The following LUZP2 variants were observed in gnomAD, a reference collection of about 807,000 sequenced individuals.
LUZP2 encodes leucine zipper protein 2.
In LUZP2, 52 loss-of-function variants were observed where a neutral mutation model predicts 51.6. The ratio of observed to expected loss-of-function variants is 1.01; its 90% CI spans 0.81 to 1.27. The LOEUF (loss-of-function observed/expected upper bound fraction) is 1.27, where lower values mean the gene tolerates loss of function less well. Ranked by LOEUF, LUZP2 falls within the 50% of genes most tolerant of loss-of-function variation. The pLI is 0.00. For synonymous variants in LUZP2, 154 were observed against 137.3 expected, an observed-to-expected ratio of 1.12 and a Z score of -0.85; for missense variants, 436 against 395.4, an observed-to-expected ratio of 1.10 and a Z score of -0.87.
chr11:24,617,508 T>G (rs1262594316), intron 1 of LUZP2, among the ~76,000 whole-genome samples: 2 of 152,198 alleles, frequency 1.3e-5, no homozygotes, highest in East Asian at 1.9e-4. Flanking sequence ...CTTAGTACGA[T>G]AGTGATTTGG....
chr11:24,845,849 CG>C (rs1277535283), intron 5 of LUZP2, among the ~76,000 whole-genome samples: 3 of 151,912 alleles, frequency 2.0e-5, no homozygotes, highest in South Asian at 2.1e-4. Flanking sequence ...CATAAGTCTA[CG>C]AAGCCTCTTT....
chr11:24,640,584 A>G (rs925803024), intron 1 of LUZP2, among the ~76,000 whole-genome samples: 2 of 151,960 alleles, frequency 1.3e-5, no homozygotes, highest in African/African-American at 2.4e-5. Flanking sequence ...ATTTATTTAG[A>G]TAAATGTTTG....
At chr11:24,840,800 A>T (rs1851005619) in intron 5 of LUZP2, among the ~76,000 whole-genome samples, 1 of 151,976 alleles carries the variant, frequency 6.6e-6, no homozygotes. Flanking sequence ...GTCAAGCCTC[A>T]TTTGATGTTC....
At chr11:24,965,639 C>T (rs1239907403) in intron 7 of LUZP2, among the ~76,000 whole-genome samples, 2 of 151,580 alleles carry the variant, frequency 1.3e-5, no homozygotes, top group Non-Finnish European at 3.0e-5. Context: ...GATTAATAAA[C>T]TAGTATGATA....
rs867411487 is a variant in LUZP2 at position 24,600,203 on chromosome 11, A to G, written c.62+102898A>G. Reference sequence around the variant, plus strand: ...CACACACACACACACACACACACACACACACACACACACACGCACAATGGG... The same window carrying G: ...CACACACACACACACACACACACACGCACACACACACACACGCACAATGGG... On this transcript the variant is annotated intron_variant, in intron 1 of 11. Transcript: ENST00000336930. Among the ~76,000 whole-genome samples the G allele has an allele frequency of 1.7e-3, 208 of 122,504 alleles. 3 individuals carry two copies. The highest frequency in any genetic ancestry group is 5.8e-3 in the African/African-American group (192 of 33,384). The allele number at this position is 122,504 out of a possible 152,430, so 80.4% of individuals were successfully genotyped here. A position where few individuals can be genotyped will look rare whatever the true frequency, so the allele number is the denominator to read the frequency against.
chr11:24,702,130 A>G (rs1045750790), intron 1 of LUZP2, among the ~76,000 whole-genome samples: 2 of 152,194 alleles, frequency 1.3e-5, no homozygotes, highest in Admixed American at 6.5e-5. Flanking sequence ...ACACTATTCA[A>G]TTGTGAATTG....
chr11:24,914,442 A>G lies in LUZP2; in HGVS notation c.460-34A>G, dbSNP rs150138852. 3.7e-3 allele frequency: 5,471 copies of G among 1,472,264 alleles called. 20 individuals carry two copies. Among genetic ancestry groups the G allele is most frequent in the Non-Finnish European group, 4.3e-3 (4,598 of 1,062,666 alleles). The allele number at this position is 1,472,264 out of a possible 1,614,324, so 91.2% of individuals were successfully genotyped here. A position where few individuals can be genotyped will look rare whatever the true frequency, so the allele number is the denominator to read the frequency against. ...ATCTTCAAGTTTGAAAATATAAATG[A>G]GTTACACAACTTATCCATGTTTTTG... On this transcript the variant is annotated intron_variant, in intron 6 of 11. Transcript: ENST00000336930.
At chr11:24,515,961 G>A (rs929030299) in intron 1 of LUZP2, among the ~76,000 whole-genome samples, 7 of 152,054 alleles carry the variant, frequency 4.6e-5, no homozygotes, top group African/African-American at 1.4e-4. Context: ...TGATAAATCA[G>A]CTTTCCAAAG....
At chr11:24,696,820 A>C (rs561050794) in intron 1 of LUZP2, among the ~76,000 whole-genome samples, 14 of 152,180 alleles carry the variant, frequency 9.2e-5, no homozygotes, top group African/African-American at 2.4e-4. Context: ...AGAAAAAAAA[A>C]CATGAGATTG....
chr11:25,018,271 C>G (rs1391862037), intron 9 of LUZP2, among the ~76,000 whole-genome samples: 2 of 152,074 alleles, frequency 1.3e-5, no homozygotes, highest in South Asian at 2.1e-4. Flanking sequence ...TTGACTTCCT[C>G]TTTTCCAATT....
chr11:24,890,985 C>T (rs1364568434), intron 5 of LUZP2: 3 of 967,770 alleles, frequency 3.1e-6, no homozygotes, highest in Non-Finnish European at 1.2e-6. Flanking sequence ...GCAAGCATCT[C>T]TTCAGTTACA....
At chr11:24,582,408 C>G (rs1421313468) in intron 1 of LUZP2, among the ~76,000 whole-genome samples, 1 of 140,946 alleles carries the variant, frequency 7.1e-6, no homozygotes, top group African/African-American at 2.7e-5. Context: ...GAAATAAAAA[C>G]CTATTAAAGC....
chr11:24,657,937 A>G lies in LUZP2; in HGVS notation c.63-71232A>G, dbSNP rs184973003. ...ATGAAATAAAAGAGGACACAAACAAATGGAAGACCATTCCATGCTCATGGG... is the reference window on the plus strand; with the variant it reads ...ATGAAATAAAAGAGGACACAAACAAGTGGAAGACCATTCCATGCTCATGGG... On this transcript the variant is annotated intron_variant, in intron 1 of 11. Coordinates refer to ENST00000336930, the MANE Select transcript of LUZP2 (RefSeq NM_001009909.4). Among the ~76,000 whole-genome samples the G allele has an allele frequency of 9.8e-3, 1,496 of 152,300 alleles. 25 individuals carry two copies. Among genetic ancestry groups the G allele is most frequent in the African/African-American group, 0.035 (1,438 of 41,558 alleles).
chr11:25,041,678 AC>A (rs1166607374), intron 9 of LUZP2, among the ~76,000 whole-genome samples: 5 of 152,086 alleles, frequency 3.3e-5, no homozygotes, highest in Admixed American at 6.6e-5. Flanking sequence ...CACTTTGAAG[AC>A]CCTTGTGGGT....
intron 1 of LUZP2, among the ~76,000 whole-genome samples, chr11:24,663,878 T>G (rs989135400): frequency 3.3e-5 from 5 of 152,182 alleles, no homozygotes; most frequent in Admixed American, 3.3e-4. Context: ...GAAGGACATG[T>G]TTGTTTTCTT....
chr11:24,978,772 G>C (rs542501880), intron 8 of LUZP2, among the ~76,000 whole-genome samples: 2 of 151,818 alleles, frequency 1.3e-5, no homozygotes, highest in South Asian at 4.1e-4. Context: ...GTGGGTCATA[G>C]GGCACGGTAT....
chr11:24,552,498 T>G (rs1851750561), intron 1 of LUZP2, among the ~76,000 whole-genome samples: 1 of 151,956 alleles, frequency 6.6e-6, no homozygotes, highest in African/African-American at 2.4e-5. Flanking sequence ...TATCTAGACT[T>G]TCAGTACTTT....
At chr11:24,921,093 C>G (rs778536059) in intron 7 of LUZP2, among the ~76,000 whole-genome samples, 6 of 151,992 alleles carry the variant, frequency 3.9e-5, no homozygotes, top group Non-Finnish European at 7.4e-5. Flanking sequence ...GGTTCTTGGT[C>G]TCCCACTGAT....
intron 9 of LUZP2, among the ~76,000 whole-genome samples, chr11:25,040,343 A>ATTTTTGTTTTTTTTTTTTT (rs1858012155): frequency 2.0e-5 from 2 of 98,828 alleles, no homozygotes; most frequent in Non-Finnish European, 3.6e-5. Flanking sequence ...TTTCTTTCCG[A>ATTTTTGTTTTTTTTTTTTT]TTTTTTTTTT....
Sources: allele counts gnomAD v4.1 joint callset (sites outside exome capture counted in the v4.1 genomes callset), GRCh38; gene constraint gnomAD v4.1.1; transcripts MANE v1.5; gene names NCBI Gene and HGNC (gene_info 2026-07-23, HGNC 2026-07-21).